Variants in TNFRSF21 observed in about 807,000 individuals in gnomAD.
TNFRSF21 encodes tumor necrosis factor receptor superfamily member 21.
A neutral mutation model predicts 45.6 loss-of-function variants in TNFRSF21; 19 were observed. The ratio of observed to expected loss-of-function variants is 0.42; its 90% CI spans 0.29 to 0.61. The LOEUF (loss-of-function observed/expected upper bound fraction) is 0.61. TNFRSF21 is among the 20% of genes least tolerant of loss of function. TNFRSF21 has a pLI of 0.23. For missense variants in TNFRSF21, 737 were observed against 851.5 expected, an observed-to-expected ratio of 0.87 and a Z score of 1.67; for synonymous variants, 314 against 335.5, an observed-to-expected ratio of 0.94 and a Z score of 0.70.
chr6:47,267,597 A>G (rs962704447), intron 3 of TNFRSF21, among the ~76,000 whole-genome samples: 2 of 152,190 alleles, frequency 1.3e-5, no homozygotes, highest in African/African-American at 4.8e-5. Context: ...CCAGCTCTCC[A>G]TGAATGCTCC....
At chr6:47,301,270 A>T (rs1015884755) in intron 1 of TNFRSF21, among the ~76,000 whole-genome samples, 3 of 152,210 alleles carry the variant, frequency 2.0e-5, no homozygotes, top group African/African-American at 7.2e-5. Context: ...GTGTCAGGAC[A>T]TTGAGCCAGA....
intron 4 of TNFRSF21, among the ~76,000 whole-genome samples, chr6:47,251,307 G>A (rs1764898549): frequency 6.6e-6 from 1 of 152,100 alleles, no homozygotes; most frequent in East Asian, 1.9e-4. Flanking sequence ...GGCTATAGCA[G>A]AACCAACGAG....
intron 3 of TNFRSF21, among the ~76,000 whole-genome samples, chr6:47,267,573 C>T (rs751511381): frequency 1.5e-4 from 23 of 152,234 alleles, no homozygotes; most frequent in East Asian, 1.9e-4. Context: ...GATATAATGT[C>T]CCTCCGCCTC....
At chr6:47,274,731 T>A (rs1310000988) in intron 3 of TNFRSF21, among the ~76,000 whole-genome samples, 1 of 152,062 alleles carries the variant, frequency 6.6e-6, no homozygotes, top group Admixed American at 6.6e-5. Flanking sequence ...ATTTTTGCAG[T>A]CTACCCATCA....
chr6:47,249,574 A>G (rs2113848451), intron 4 of TNFRSF21, among the ~76,000 whole-genome samples: 1 of 152,348 alleles, frequency 6.6e-6, no homozygotes. Flanking sequence ...GGAGGAAGGT[A>G]TTAAGAATGT....
chr6:47,248,891 T>C (rs1025387057), intron 4 of TNFRSF21, among the ~76,000 whole-genome samples: 1 of 152,228 alleles, frequency 6.6e-6, no homozygotes, highest in Non-Finnish European at 1.5e-5. Context: ...ATAGTCAACA[T>C]CTGACAAATG....
chr6:47,278,739 T>C (rs921792493), intron 3 of TNFRSF21, among the ~76,000 whole-genome samples: 2 of 152,214 alleles, frequency 1.3e-5, no homozygotes, highest in Admixed American at 6.5e-5. Flanking sequence ...AATCCAGTTC[T>C]ACAGAATAAG....
intron 1 of TNFRSF21, among the ~76,000 whole-genome samples, chr6:47,297,213 T>C (rs1582360089): frequency 6.6e-6 from 1 of 152,234 alleles, no homozygotes; most frequent in South Asian, 2.1e-4. Flanking sequence ...GTTGGTTTTT[T>C]TTAATCCTTA....
chr6:47,269,214 C>T (rs1762378537), intron 3 of TNFRSF21, among the ~76,000 whole-genome samples: 1 of 151,268 alleles, frequency 6.6e-6, no homozygotes, highest in Non-Finnish European at 1.5e-5. Flanking sequence ...CACACAGACA[C>T]ACACAGACAC....
intron 3 of TNFRSF21, among the ~76,000 whole-genome samples, chr6:47,264,092 A>G (rs1163950019): frequency 6.6e-6 from 1 of 152,196 alleles, no homozygotes; most frequent in African/African-American, 2.4e-5. Flanking sequence ...GGTTGACTCA[A>G]GGACATACAT....
intron 3 of TNFRSF21, among the ~76,000 whole-genome samples, chr6:47,262,336 C>A (rs1310476003): frequency 6.6e-6 from 1 of 152,194 alleles, no homozygotes; most frequent in Non-Finnish European, 1.5e-5. Context: ...CTCCTTCCTG[C>A]TTATCTTAGT....
intron 4 of TNFRSF21, among the ~76,000 whole-genome samples, chr6:47,249,181 T>C (rs1764865823): frequency 3.3e-5 from 5 of 152,240 alleles, no homozygotes; most frequent in Admixed American, 3.3e-4. Flanking sequence ...ATGTGTAAAC[T>C]TCTTCCTTCC....
intron 4 of TNFRSF21, among the ~76,000 whole-genome samples, chr6:47,250,656 G>A (rs541571789): frequency 8.5e-5 from 13 of 152,316 alleles, no homozygotes; most frequent in Middle Eastern, 3.4e-3. Context: ...AATAACTCCT[G>A]GGGCAAAGCC....
At chr6:47,291,244 C>G (rs1762724239) in intron 1 of TNFRSF21, among the ~76,000 whole-genome samples, 1 of 152,200 alleles carries the variant, frequency 6.6e-6, no homozygotes, top group African/African-American at 2.4e-5. Flanking sequence ...ACAGTTACAT[C>G]TGAAGAGTCT....
At chr6:47,297,800 G>C (rs1428808964) in intron 1 of TNFRSF21, among the ~76,000 whole-genome samples, 1 of 152,152 alleles carries the variant, frequency 6.6e-6, no homozygotes, top group Non-Finnish European at 1.5e-5. Context: ...TGGCATCACA[G>C]ATGTAAGCCA....
intron 3 of TNFRSF21, among the ~76,000 whole-genome samples, chr6:47,259,604 G>A (rs1765041938): frequency 6.6e-6 from 1 of 152,080 alleles, no homozygotes; most frequent in Non-Finnish European, 1.5e-5. Context: ...TGAACTCCTG[G>A]CCTCAAGTGA....
chr6:47,305,274 T>C (rs1762922919), intron 1 of TNFRSF21, among the ~76,000 whole-genome samples: 1 of 152,184 alleles, frequency 6.6e-6, no homozygotes, highest in Admixed American at 6.5e-5. Flanking sequence ...CCCAGAATAG[T>C]GCCTCACTTA....
intron 3 of TNFRSF21, 23 bp downstream of exon 3, chr6:47,283,915 A>G (rs772761076): frequency 6.3e-7 from 1 of 1,598,910 alleles, no homozygotes; most frequent in Admixed American, 1.7e-5. Context: ...TCTGTGAGCA[A>G]GGAGAGAAGA....
chr6:47,274,468 C>A (rs537961938), intron 3 of TNFRSF21, among the ~76,000 whole-genome samples: 156 of 152,282 alleles, frequency 1.0e-3, no homozygotes, highest in Non-Finnish European at 1.8e-3. Flanking sequence ...CCCTTCCTTA[C>A]ACCTTATACA....
Sources: allele counts gnomAD v4.1 joint callset (sites outside exome capture counted in the v4.1 genomes callset), GRCh38; gene constraint gnomAD v4.1.1; transcripts MANE v1.5; gene names NCBI Gene and HGNC (gene_info 2026-07-23, HGNC 2026-07-21).